The following LINGO2 variants were observed in gnomAD, a reference collection of about 807,000 sequenced individuals.
LINGO2 encodes leucine-rich repeat and immunoglobulin-like domain-containing nogo receptor-interacting protein 2.
A neutral mutation model predicts 30.6 loss-of-function variants in LINGO2; 14 were observed. The ratio of observed to expected loss-of-function variants is 0.46; its 90% CI spans 0.30 to 0.72. The LOEUF (loss-of-function observed/expected upper bound fraction) is 0.72. Among genes scored for constraint, LINGO2 ranks in the 30% least tolerant of loss-of-function variants. The probability of loss-of-function intolerance (pLI) is 0.07; values close to 1 mark genes in which losing one functional copy is unlikely to be tolerated. For synonymous variants in LINGO2, 317 were observed against 288.5 expected, an observed-to-expected ratio of 1.10 and a Z score of -1.00; for missense variants, 729 against 751.7, an observed-to-expected ratio of 0.97 and a Z score of 0.35.
At chr9:29,025,883 C>T in the LINGO2 span, among the ~76,000 whole-genome samples, 1 of 152,078 alleles carries the variant, frequency 6.6e-6, no homozygotes, top group African/African-American at 2.4e-5. Flanking sequence ...TGAGAGGCAT[C>T]ATGTGGTATT....
the LINGO2 span, among the ~76,000 whole-genome samples, chr9:29,013,008 C>T: frequency 6.6e-6 from 1 of 152,094 alleles, no homozygotes; most frequent in Admixed American, 6.6e-5. Flanking sequence ...ATCAGCCATC[C>T]CAAGATGACT....
intron 4 of LINGO2, among the ~76,000 whole-genome samples, chr9:28,086,223 C>G (rs1265679433): frequency 6.6e-6 from 1 of 152,002 alleles, no homozygotes; most frequent in South Asian, 2.1e-4. Context: ...ATCCACACGT[C>G]TCTGAGCTGA....
chr9:28,352,623 A>C (rs1310270421), intron 3 of LINGO2, among the ~76,000 whole-genome samples: 6 of 134,958 alleles, frequency 4.4e-5, no homozygotes, highest in South Asian at 2.6e-4. Context: ...GCTACCAATG[A>C]CTTTCTTCAC....
the LINGO2 span, among the ~76,000 whole-genome samples, chr9:28,848,397 G>GTATA: frequency 1.0e-3 from 50 of 48,426 alleles, no homozygotes; most frequent in African/African-American, 3.5e-3. Context: ...GTGTGTGTGT[G>GTATA]TATATATATA....
chr9:28,525,869 C>T (rs780503556), intron 1 of LINGO2, among the ~76,000 whole-genome samples: 2 of 151,898 alleles, frequency 1.3e-5, no homozygotes, highest in African/African-American at 2.4e-5. Flanking sequence ...TCCTGGCTAA[C>T]GCGGTGAAAC....
At chr9:28,320,393 C>T (rs754275686) in intron 3 of LINGO2, among the ~76,000 whole-genome samples, 15 of 152,128 alleles carry the variant, frequency 9.9e-5, no homozygotes, top group Non-Finnish European at 2.2e-4. Flanking sequence ...AGTGAGACAC[C>T]TGTGCAACTG....
chr9:28,794,081 G>A, the LINGO2 span, among the ~76,000 whole-genome samples: 3 of 152,110 alleles, frequency 2.0e-5, no homozygotes, highest in East Asian at 1.9e-4. Context: ...TGAGGAGGGC[G>A]GATCACGAGG....
the LINGO2 span, among the ~76,000 whole-genome samples, chr9:29,072,399 T>C: frequency 2.6e-5 from 4 of 151,930 alleles, no homozygotes; most frequent in African/African-American, 9.7e-5. Flanking sequence ...TATGATTATC[T>C]AAATTATGAT....
chr9:29,005,343 T>C, the LINGO2 span, among the ~76,000 whole-genome samples: 3 of 151,574 alleles, frequency 2.0e-5, no homozygotes, highest in African/African-American at 7.3e-5. Flanking sequence ...ACACAACATA[T>C]GGGAAAACCA....
chr9:29,168,770 C>T, the LINGO2 span, among the ~76,000 whole-genome samples: 1 of 152,144 alleles, frequency 6.6e-6, no homozygotes. Context: ...TACTTCCTTA[C>T]TGATGAATGT....
chr9:28,297,819 C>T lies in LINGO2; in HGVS notation c.-245-2453G>A, dbSNP rs10968464. 0.016 allele frequency among the ~76,000 whole-genome samples: 2,448 copies of T among 152,266 alleles called. 142 individuals carry two copies. The East Asian group carries it at 0.2, about 12-fold the overall frequency. On this transcript the variant is annotated intron_variant, in intron 3 of 5. Transcript: ENST00000379992. ...GTACAATAACATCTACGGCATCAAACACAAGAGTCACTGCCTTCCAACTGT... is the reference window on the plus strand; with the variant it reads ...GTACAATAACATCTACGGCATCAAATACAAGAGTCACTGCCTTCCAACTGT...
chr9:29,090,715 G>A, the LINGO2 span, among the ~76,000 whole-genome samples: 1 of 151,928 alleles, frequency 6.6e-6, no homozygotes, highest in South Asian at 2.1e-4. Context: ...GGGATGGGGA[G>A]AAATGGGTAA....
the LINGO2 span, among the ~76,000 whole-genome samples, chr9:28,806,270 C>A: frequency 1.3e-5 from 2 of 152,162 alleles, no homozygotes; most frequent in Non-Finnish European, 2.9e-5. Context: ...GATCTGGCAG[C>A]ATTTAAAAAT....
At chr9:29,074,386 A>T in the LINGO2 span, among the ~76,000 whole-genome samples, 2 of 152,214 alleles carry the variant, frequency 1.3e-5, no homozygotes, top group Admixed American at 6.5e-5. Context: ...GAACCCACAA[A>T]CGGGCTAATA....
At chr9:28,561,250 CGAACTCTGAA>C (rs1191648328) in intron 1 of LINGO2, among the ~76,000 whole-genome samples, 2 of 151,778 alleles carry the variant, frequency 1.3e-5, no homozygotes. Flanking sequence ...AAAATGAGTA[CGAACTCTGAA>C]GACATCATTG....
At chr9:28,369,259 T>A (rs890477049) in intron 3 of LINGO2, among the ~76,000 whole-genome samples, 3 of 152,216 alleles carry the variant, frequency 2.0e-5, no homozygotes, top group Admixed American at 2.0e-4. Context: ...CTTAACATTT[T>A]TGAAAATGTG....
the LINGO2 span, chr9:27,940,941 CTAATAT>C: frequency 6.6e-6 from 1 of 152,180 alleles, no homozygotes; most frequent in East Asian, 1.9e-4. Context: ...AAGCTAACTC[CTAATAT>C]TAATTGGCGA....
chr9:28,607,385 TC>T (rs1300336174), intron 1 of LINGO2, among the ~76,000 whole-genome samples: 3 of 151,540 alleles, frequency 2.0e-5, no homozygotes, highest in Non-Finnish European at 4.4e-5. Flanking sequence ...TTATATTTTT[TC>T]CTATTCATAT....
chr9:28,949,606 A>G, the LINGO2 span, among the ~76,000 whole-genome samples: 1 of 152,190 alleles, frequency 6.6e-6, no homozygotes, highest in Non-Finnish European at 1.5e-5. Context: ...TCTGAAATTG[A>G]GACGGTAATT....
Sources: allele counts gnomAD v4.1 joint callset (sites outside exome capture counted in the v4.1 genomes callset), GRCh38; gene constraint gnomAD v4.1.1; transcripts MANE v1.5; gene names NCBI Gene and HGNC (gene_info 2026-07-23, HGNC 2026-07-21).